The following ZNF138 variants were observed in gnomAD, a reference collection of about 807,000 sequenced individuals.
The protein encoded by ZNF138 is zinc finger protein 138 (clone pHZ-32).
Under a neutral mutation model 33.0 loss-of-function variants are expected in ZNF138, and 33 were observed. The ratio of observed to expected loss-of-function variants is 1.00; its 90% CI spans 0.76 to 1.34. The LOEUF is 1.34. ZNF138 is among the 40% of genes most tolerant of loss of function. ZNF138 has a pLI of 0.00. For missense variants in ZNF138, 360 were observed against 370.8 expected, an observed-to-expected ratio of 0.97 and a Z score of 0.24; for synonymous variants, 139 against 120.4, an observed-to-expected ratio of 1.15 and a Z score of -1.01.
chr7:64,833,705 GGTTT>G (rs1312515356), downstream of ZNF138: 28 of 151,142 alleles, frequency 1.9e-4, no homozygotes, highest in African/African-American at 6.9e-4. Context: ...TTTAGTGTGT[GGTTT>G]GTTTGTTTGT....
rs1031340718 is a variant in ZNF138, at chr7:64,810,254, G to A, written c.4-4664G>A. On this transcript the variant is annotated intron_variant, in intron 1 of 3. Coordinates refer to ENST00000307355, the MANE Select transcript of ZNF138 (RefSeq NM_001271639.2). Reference sequence around the variant, plus strand: ...GTGGATCACTTGCGGTTAGGGGCTGGAGACTGGCCTGGCCGACACAGCGAA... The same window carrying A: ...GTGGATCACTTGCGGTTAGGGGCTGAAGACTGGCCTGGCCGACACAGCGAA... 9.5e-4 allele frequency among the ~76,000 whole-genome samples: 143 copies of A among 150,784 alleles called. 1 individual carries two copies. The highest frequency in any genetic ancestry group is 2.9e-3 in the African/African-American group (117 of 40,976).
chr7:64,834,427 G>C (rs1478307175), downstream of ZNF138, among the ~76,000 whole-genome samples: 3 of 151,988 alleles, frequency 2.0e-5, no homozygotes, highest in Non-Finnish European at 2.9e-5. Flanking sequence ...AACTAAAGTG[G>C]GTAGATAAAT....
the ZNF138 span, among the ~76,000 whole-genome samples, chr7:64,838,936 A>G: frequency 1.3e-5 from 2 of 152,098 alleles, no homozygotes; most frequent in African/African-American, 2.4e-5. Context: ...AGTGGTGCAG[A>G]AGGAGATGGC....
the ZNF138 span, among the ~76,000 whole-genome samples, chr7:64,854,157 A>T: frequency 6.6e-6 from 1 of 152,166 alleles, no homozygotes; most frequent in Non-Finnish European, 1.5e-5. Context: ...ACAAGGAATA[A>T]ATAAGCCAGA....
At chr7:64,824,886 A>G (rs1789447850) in intron 3 of ZNF138, among the ~76,000 whole-genome samples, 1 of 151,060 alleles carries the variant, frequency 6.6e-6, no homozygotes, top group African/African-American at 2.4e-5. Flanking sequence ...TTTTTGAGAT[A>G]CAGTCTTGCT....
chr7:64,825,543 CTT>C (rs112905168), intron 3 of ZNF138, among the ~76,000 whole-genome samples: 197 of 132,486 alleles, frequency 1.5e-3, no homozygotes, highest in African/African-American at 2.5e-3. Flanking sequence ...TATTTATTAA[CTT>C]TTTTTTTTTT....
intron 1 of ZNF138, among the ~76,000 whole-genome samples, chr7:64,795,256 A>C (rs1433288641): frequency 6.6e-6 from 1 of 152,192 alleles, no homozygotes; most frequent in Non-Finnish European, 1.5e-5. Flanking sequence ...CATTTGAGTT[A>C]GATTTTTTTA....
intron 3 of ZNF138, among the ~76,000 whole-genome samples, chr7:64,817,672 G>C (rs1407014856): frequency 6.6e-6 from 1 of 152,130 alleles, no homozygotes; most frequent in Non-Finnish European, 1.5e-5. Flanking sequence ...GTCAGGGATG[G>C]CTGATAAATC....
At chr7:64,802,449 A>AT (rs553437686) in intron 1 of ZNF138, among the ~76,000 whole-genome samples, 1 of 152,140 alleles carries the variant, frequency 6.6e-6, no homozygotes, top group Non-Finnish European at 1.5e-5. Flanking sequence ...TAGAATGTAC[A>AT]TTTTTCCCAC....
downstream of ZNF138, chr7:64,835,376 A>G (rs1342078498): frequency 6.6e-6 from 1 of 152,228 alleles, no homozygotes; most frequent in African/African-American, 2.4e-5. Flanking sequence ...TCTGGTTGAA[A>G]GTGACCCTGG....
intron 3 of ZNF138, among the ~76,000 whole-genome samples, chr7:64,822,604 A>G (rs1224650504): frequency 6.8e-6 from 1 of 147,650 alleles, no homozygotes; most frequent in Non-Finnish European, 1.5e-5. Flanking sequence ...TCATATATAG[A>G]AGGGTTCATT....
At chr7:64,843,344 G>A in the ZNF138 span, among the ~76,000 whole-genome samples, 1 of 151,952 alleles carries the variant, frequency 6.6e-6, no homozygotes, top group Non-Finnish European at 1.5e-5. Flanking sequence ...TGCTGTATTT[G>A]GTGGTTTAAT....
chr7:64,834,912 G>T (rs1268929414), downstream of ZNF138, among the ~76,000 whole-genome samples: 2 of 152,188 alleles, frequency 1.3e-5, no homozygotes, highest in Non-Finnish European at 2.9e-5. Flanking sequence ...CAATGGAAGG[G>T]CACCGTGGAT....
At chr7:64,837,153 TG>T (rs1790392520), downstream of ZNF138, among the ~76,000 whole-genome samples, 1 of 151,976 alleles carries the variant, frequency 6.6e-6, no homozygotes, top group East Asian at 1.9e-4. Flanking sequence ...TCAGTTTGGT[TG>T]GGGGGAGGGA....
chr7:64,804,064 G>T (rs891347508), intron 1 of ZNF138, among the ~76,000 whole-genome samples: 2 of 152,144 alleles, frequency 1.3e-5, no homozygotes, highest in Non-Finnish European at 2.9e-5. Context: ...TCATTAAAAA[G>T]TTCTGGTGGG....
In ZNF138 at chr7:64,814,936, G is replaced by A. The variant is rs779334564; in HGVS notation, c.22G>A (p.Asp8Asn). Reference sequence around the variant, plus strand: ...TTTTCAGGGACCACTGACATTTATGGATGTGGCCATAGAGTTCTCTTTGGA... The same window carrying A: ...TTTTCAGGGACCACTGACATTTATGAATGTGGCCATAGAGTTCTCTTTGGA... MGPLTFM[D>N]VAIEFSLEEW... is the part of the protein sequence containing the mutation. Residue 8 changes from aspartate to asparagine, a missense_variant, in exon 2 of 4, where the codon GAT (aspartate) becomes AAT (asparagine). Transcript: ENST00000307355. 1 of 1,612,942 alleles carries A rather than the reference G, an allele frequency of 6.2e-7. No individual in the cohort carries two copies. Among genetic ancestry groups the A allele is most frequent in the Non-Finnish European group, 8.5e-7 (1 of 1,179,408 alleles).
chr7:64,844,783 T>A, the ZNF138 span, among the ~76,000 whole-genome samples: 2 of 151,940 alleles, frequency 1.3e-5, no homozygotes, highest in South Asian at 4.2e-4. Context: ...GCCTCCCGGG[T>A]TCAAGTGATT....
chr7:64,834,805 G>A (rs532996999), downstream of ZNF138, among the ~76,000 whole-genome samples: 5 of 152,048 alleles, frequency 3.3e-5, no homozygotes, highest in South Asian at 2.1e-4. Flanking sequence ...AGTATTCTGC[G>A]TTATACTCCA....
At position 64,832,604 on chromosome 7, in the gene ZNF138, A is replaced by C. The variant is rs1006111034; in HGVS notation, c.*402A>C. 1.2e-4 allele frequency: 61 copies of C among 511,254 alleles called. No individual in the cohort carries two copies. The highest frequency in any genetic ancestry group is 1.0e-3 in the South Asian group (61 of 60,714). 31.7% of individuals were successfully genotyped at this position (511,254 alleles called of 1,614,324 possible). A position where few individuals can be genotyped will look rare whatever the true frequency, so the allele number is the denominator to read the frequency against. On this transcript the variant is annotated 3_prime_UTR_variant, in exon 4 of 4. Transcript: ENST00000307355. ...CCTACAAATGTGAAGAATGTGGCAA[A>C]GCTTTTAACCAGTCCTCACACCTTA...
Sources: allele counts gnomAD v4.1 joint callset (sites outside exome capture counted in the v4.1 genomes callset), GRCh38; gene constraint gnomAD v4.1.1; transcripts MANE v1.5; gene names NCBI Gene and HGNC (gene_info 2026-07-23, HGNC 2026-07-21).